The following KIF16B variants were observed in gnomAD, a reference collection of about 807,000 sequenced individuals.
The protein encoded by KIF16B is kinesin family member 16B.
KIF16B carries 98 observed loss-of-function variants against 156.3 expected under a neutral mutation model. The ratio of observed to expected loss-of-function variants is 0.63; its 90% CI spans 0.53 to 0.74. KIF16B has a LOEUF of 0.74. Ranked by LOEUF, KIF16B falls within the 30% of genes least tolerant of loss-of-function variation. KIF16B has a pLI of 0.00. For missense variants in KIF16B, 1,421 were observed against 1,606.5 expected, an observed-to-expected ratio of 0.88 and a Z score of 1.97; for synonymous variants, 564 against 583.7, an observed-to-expected ratio of 0.97 and a Z score of 0.49.
At chr20:16,444,055 T>C (rs2066869854) in intron 12 of KIF16B, among the ~76,000 whole-genome samples, 1 of 152,240 alleles carries the variant, frequency 6.6e-6, no homozygotes, top group African/African-American at 2.4e-5. Flanking sequence ...TCTAAACATC[T>C]AACTTCTCAC....
intron 17 of KIF16B, among the ~76,000 whole-genome samples, chr20:16,396,426 T>C (rs1226443126): frequency 6.6e-6 from 1 of 151,936 alleles, no homozygotes; most frequent in Non-Finnish European, 1.5e-5. Context: ...TGTAAAAAAA[T>C]TTATGAAAGA....
intron 2 of KIF16B, 149 bp from the exon 3 acceptor site, chr20:16,526,354 ACTC>A: frequency 2.4e-6 from 1 of 421,976 alleles, no homozygotes; most frequent in Non-Finnish European, 4.1e-6. Context: ...TATAAACTAA[ACTC>A]CTTGCAGCAA....
At chr20:16,309,888 T>G (rs950518796) in intron 25 of KIF16B, among the ~76,000 whole-genome samples, 5 of 152,196 alleles carry the variant, frequency 3.3e-5, no homozygotes, top group Admixed American at 6.5e-5. Context: ...AAAGGAAATA[T>G]CTCATTTGTC....
chr20:16,569,164 A>G (rs1217332192), intron 1 of KIF16B, among the ~76,000 whole-genome samples: 2 of 152,148 alleles, frequency 1.3e-5, no homozygotes, highest in African/African-American at 4.8e-5. Context: ...TGGCACCTTG[A>G]TCTTGGATAT....
intron 23 of KIF16B, among the ~76,000 whole-genome samples, chr20:16,344,063 C>T (rs906076272): frequency 1.3e-5 from 2 of 152,124 alleles, no homozygotes; most frequent in Admixed American, 1.3e-4. Context: ...TGCAGGAAGA[C>T]CTCAATGTTT....
intron 15 of KIF16B, among the ~76,000 whole-genome samples, chr20:16,414,764 A>T (rs1345411407): frequency 6.6e-6 from 1 of 152,120 alleles, no homozygotes. Context: ...GTGGGAGCTG[A>T]TATTTTTCTT....
chr20:16,572,906 A>C (rs574071412), intron 1 of KIF16B, among the ~76,000 whole-genome samples: 75 of 152,034 alleles, frequency 4.9e-4, no homozygotes, highest in Non-Finnish European at 7.9e-4. Flanking sequence ...CAGCACTCTC[A>C]CCTTCCCCCC....
chr20:16,295,203 A>G (rs2063366526), intron 25 of KIF16B, among the ~76,000 whole-genome samples: 1 of 152,168 alleles, frequency 6.6e-6, no homozygotes, highest in Non-Finnish European at 1.5e-5. Flanking sequence ...CCAGGGTCAT[A>G]GTGCATATCC....
chr20:16,527,371 C>T (rs956512338), intron 2 of KIF16B, among the ~76,000 whole-genome samples: 17 of 152,154 alleles, frequency 1.1e-4, no homozygotes, highest in African/African-American at 4.1e-4. Flanking sequence ...GATCAACTCG[C>T]ACTACTTTGA....
At chr20:16,479,383 G>C (rs532171583) in intron 12 of KIF16B, among the ~76,000 whole-genome samples, 9 of 152,202 alleles carry the variant, frequency 5.9e-5, no homozygotes, top group Non-Finnish European at 1.2e-4. Flanking sequence ...GGGGGAGGGA[G>C]AGCATCAGGA....
At chr20:16,306,753 TCACCATCAC>T (rs2063546597) in intron 25 of KIF16B, among the ~76,000 whole-genome samples, 1 of 152,164 alleles carries the variant, frequency 6.6e-6, no homozygotes, top group Non-Finnish European at 1.5e-5. Flanking sequence ...GTCATCATTA[TCACCATCAC>T]CACCACCACA....
intron 12 of KIF16B, among the ~76,000 whole-genome samples, chr20:16,473,010 G>GT (rs1159706066): frequency 1.3e-4 from 20 of 152,220 alleles, no homozygotes; most frequent in Non-Finnish European, 2.4e-4. Flanking sequence ...TCTAAGACAG[G>GT]TTTTTTTAGC....
At chr20:16,528,512 T>C in intron 1 of KIF16B, 72 bp from the exon 2 acceptor site, 1 of 1,128,602 alleles carries the variant, frequency 8.9e-7, no homozygotes, top group Non-Finnish European at 1.3e-6. Flanking sequence ...CTAAACCCAT[T>C]TGTTTTATTT....
intron 24 of KIF16B, among the ~76,000 whole-genome samples, chr20:16,313,612 G>A (rs1395339270): frequency 1.3e-5 from 2 of 152,116 alleles, no homozygotes; most frequent in South Asian, 2.1e-4. Context: ...AAAAGTTAAC[G>A]CAGGCCTGAC....
rs985175559 is a variant in KIF16B, at chr20:16,507,995, C to T, written c.662G>A (p.Ser221Asn). The T allele has an allele frequency of 4.3e-6, 7 of 1,614,048 alleles. No individual in the cohort carries two copies. The highest frequency in any genetic ancestry group is 5.9e-6 in the Non-Finnish European group (7 of 1,180,022). ...TAATGMNDVS[S>N]RSHAIFTIKF... is the part of the protein sequence containing the mutation. Reference sequence around the variant, plus strand: ...GATGGTGAAGATGGCATGAGACCTGCTACTGACGTCGTTCATCCCAGTCGC... The same window carrying T: ...GATGGTGAAGATGGCATGAGACCTGTTACTGACGTCGTTCATCCCAGTCGC... The change falls in exon 7 of 26, where the codon AGC (serine) becomes AAC (asparagine). Residue 221 changes from serine to asparagine, a missense_variant. By Grantham distance (46) the Ser-to-Asn change is conservative. Coordinates refer to ENST00000354981, the MANE Select transcript of KIF16B (RefSeq NM_024704.5).
intron 17 of KIF16B, among the ~76,000 whole-genome samples, chr20:16,392,443 G>T (rs969006101): frequency 6.6e-6 from 1 of 152,196 alleles, no homozygotes; most frequent in African/African-American, 2.4e-5. Context: ...GTGCACATTT[G>T]TGGGTAGAGG....
At chr20:16,566,870 A>T (rs992061652) in intron 1 of KIF16B, among the ~76,000 whole-genome samples, 3 of 152,242 alleles carry the variant, frequency 2.0e-5, no homozygotes, top group African/African-American at 7.2e-5. Context: ...AAATAGTCAC[A>T]TAGGTGGCCG....
intron 17 of KIF16B, among the ~76,000 whole-genome samples, chr20:16,386,229 G>A (rs2065226454): frequency 6.6e-6 from 1 of 152,138 alleles, no homozygotes; most frequent in African/African-American, 2.4e-5. Flanking sequence ...ACAGTGACGG[G>A]CAGAGATAAA....
chr20:16,558,975 T>C (rs1469379499), intron 1 of KIF16B, among the ~76,000 whole-genome samples: 1 of 151,874 alleles, frequency 6.6e-6, no homozygotes, highest in Non-Finnish European at 1.5e-5. Context: ...CACAGCCTAT[T>C]ATCTCCCTGA....
Sources: gnomAD v4.1 joint callset for allele counts (sites outside exome capture counted in the v4.1 genomes callset) on GRCh38, gnomAD v4.1.1 for gene constraint, MANE v1.5 for transcripts, NCBI Gene and HGNC (gene_info 2026-07-23, HGNC 2026-07-21) for gene names.